SYNPO2: variants seen among roughly 807,000 people sequenced by gnomAD.
SYNPO2 encodes synaptopodin-2.
SYNPO2 carries 56 observed loss-of-function variants against 85.0 expected under a neutral mutation model. The ratio of observed to expected loss-of-function variants is 0.66; its 90% confidence interval spans 0.53 to 0.82. The LOEUF (loss-of-function observed/expected upper bound fraction) is 0.82, where lower values mean the gene tolerates loss of function less well. Ranked by LOEUF, SYNPO2 falls within the 40% of genes least tolerant of loss-of-function variation. The pLI is 0.00. For missense variants in SYNPO2, 1,575 were observed against 1,534.2 expected, an observed-to-expected ratio of 1.03 and a Z score of -0.44; for synonymous variants, 602 against 591.1, an observed-to-expected ratio of 1.02 and a Z score of -0.27.
intron 1 of SYNPO2, among the ~76,000 whole-genome samples, chr4:118,926,268 A>T (rs1733707468): frequency 6.6e-6 from 1 of 152,176 alleles, no homozygotes; most frequent in Admixed American, 6.6e-5. Flanking sequence ...ATAGGGAACT[A>T]TTCAAAGCAT....
intron 1 of SYNPO2, among the ~76,000 whole-genome samples, chr4:118,863,642 T>G (rs1731652137): frequency 6.6e-6 from 1 of 152,146 alleles, no homozygotes; most frequent in African/African-American, 2.4e-5. Flanking sequence ...GATAGAGCCT[T>G]GCTCCATCAC....
At chr4:119,004,909 G>A (rs1220233112) in intron 1 of SYNPO2, among the ~76,000 whole-genome samples, 1 of 151,742 alleles carries the variant, frequency 6.6e-6, no homozygotes, top group Non-Finnish European at 1.5e-5. Context: ...ACTTTTTAAT[G>A]ATCACCATTC....
rs34644748 is a variant in SYNPO2 at position 118,860,552 on chromosome 4, C to CTTTTT, written c.12+9617_12+9621dup. Among the ~76,000 whole-genome samples the CTTTTT allele has an allele frequency of 1.2e-4, 14 of 114,118 alleles. 4 individuals carry two copies. Among genetic ancestry groups the CTTTTT allele is most frequent in the Non-Finnish European group, 1.4e-4 (8 of 57,932 alleles). The allele number at this position is 114,118 out of a possible 152,430, so 74.9% of individuals were successfully genotyped here. A position where few individuals can be genotyped will look rare whatever the true frequency, so the allele number is the denominator to read the frequency against. Reference sequence around the variant, plus strand: ...AGCCACACTGCCTGGCCTCTTTTGCCTTTTTTTTTGTTTTTTTTTTTTGAG... The same window carrying CTTTTT: ...AGCCACACTGCCTGGCCTCTTTTGCCTTTTTTTTTTTTTTGTTTTTTTTTTTTGAG... On this transcript the variant is annotated intron_variant, in intron 1 of 4. Transcript: ENST00000610556.
At chr4:119,042,751 A>G (rs1359169201) in intron 4 of SYNPO2, 2 of 152,230 alleles carry the variant, frequency 1.3e-5, no homozygotes, top group Admixed American at 6.5e-5. Context: ...TATATGTTAC[A>G]AGAGTGTACG....
chr4:119,036,871 A>G, intron 4 of SYNPO2: 3 of 1,146,316 alleles, frequency 2.6e-6, no homozygotes, highest in South Asian at 8.3e-5. Context: ...GTCCTGTCAA[A>G]CATTTCTCAA....
chr4:118,958,092 T>C (rs1479342793), intron 1 of SYNPO2, among the ~76,000 whole-genome samples: 1 of 152,216 alleles, frequency 6.6e-6, no homozygotes, highest in East Asian at 1.9e-4. Context: ...CAGCAATGTC[T>C]TGACACTTCT....
chr4:118,995,895 T>TATCTATCTATCTATCTATC (rs1287810613), intron 1 of SYNPO2, among the ~76,000 whole-genome samples: 4 of 148,778 alleles, frequency 2.7e-5, no homozygotes, highest in African/African-American at 1.0e-4. Context: ...TCTATCTATC[T>TATCTATCTATCTATCTATC]ATCTATCTAT....
intron 1 of SYNPO2, among the ~76,000 whole-genome samples, chr4:118,960,774 C>G (rs1735051512): frequency 6.6e-6 from 1 of 151,696 alleles, no homozygotes; most frequent in African/African-American, 2.4e-5. Flanking sequence ...GGGATTAGAC[C>G]CAAGTACTCC....
chr4:119,045,060 A>G (rs1035924199), intron 4 of SYNPO2, among the ~76,000 whole-genome samples: 12 of 152,226 alleles, frequency 7.9e-5, no homozygotes, highest in Non-Finnish European at 1.6e-4. Flanking sequence ...GTATGCACAC[A>G]TTTCTTAAGA....
At chr4:118,983,774 A>ACAATCTCTCTCC (rs59660351) in intron 1 of SYNPO2, among the ~76,000 whole-genome samples, 128,555 of 151,890 alleles carry the variant, frequency 0.85, 54,529 homozygotes, top group South Asian at 0.93. Flanking sequence ...AATATTTCTA[A>ACAATCTCTCTCC]CAAGCTACGT....
chr4:118,878,949 C>T lies in SYNPO2; in HGVS notation c.12+28009C>T, dbSNP rs866000754. Among the ~76,000 whole-genome samples the T allele has an allele frequency of 6.9e-4, 105 of 152,210 alleles. 1 individual carries two copies. Among genetic ancestry groups the T allele is most frequent in the Non-Finnish European group, 8.8e-4 (60 of 68,038 alleles). ...TGTTCAGTTTTTGGGTCCGCACTAC[C>T]TCTAAGAGCTGTAACACTCACTGCG... On this transcript the variant is annotated intron_variant, in intron 1 of 4. Transcript: ENST00000610556.
chr4:119,036,861 G>T, intron 4 of SYNPO2: 2 of 1,125,134 alleles, frequency 1.8e-6, no homozygotes, highest in Non-Finnish European at 2.2e-6. Context: ...TAAATATCAA[G>T]TCCTGTCAAA....
intron 1 of SYNPO2, among the ~76,000 whole-genome samples, chr4:118,861,570 G>A (rs1423139044): frequency 6.6e-6 from 1 of 152,156 alleles, no homozygotes; most frequent in Non-Finnish European, 1.5e-5. Context: ...TGGATATCCA[G>A]TTTCCCCAGC....
intron 1 of SYNPO2, among the ~76,000 whole-genome samples, chr4:118,928,801 G>GAT (rs769763024): frequency 3.9e-5 from 6 of 152,170 alleles, no homozygotes; most frequent in Non-Finnish European, 8.8e-5. Flanking sequence ...TTTGTATACT[G>GAT]ATATATAAAT....
chr4:118,850,974 T>A (rs1228210752), intron 1 of SYNPO2: 1 of 398,636 alleles, frequency 2.5e-6, no homozygotes, highest in East Asian at 3.6e-5. Flanking sequence ...TGGTGTCCTC[T>A]TTATATTTCA....
chr4:118,868,350 T>C (rs1236031767), intron 1 of SYNPO2, among the ~76,000 whole-genome samples: 2 of 152,156 alleles, frequency 1.3e-5, no homozygotes, highest in Non-Finnish European at 2.9e-5. Flanking sequence ...CTTATAATAA[T>C]AACATTACAT....
chr4:119,048,534 A>G (rs964633155), intron 4 of SYNPO2, among the ~76,000 whole-genome samples: 1 of 152,226 alleles, frequency 6.6e-6, no homozygotes, highest in African/African-American at 2.4e-5. Context: ...GTGTAAGTCT[A>G]AGGGAAGGAT....
intron 1 of SYNPO2, among the ~76,000 whole-genome samples, chr4:118,909,583 T>A (rs1322528636): frequency 1.3e-5 from 2 of 152,232 alleles, no homozygotes; most frequent in Non-Finnish European, 2.9e-5. Flanking sequence ...TTCCCACTCT[T>A]TTTTCTCATA....
chr4:119,009,409 C>T (rs1737205653), intron 1 of SYNPO2, among the ~76,000 whole-genome samples: 1 of 152,122 alleles, frequency 6.6e-6, no homozygotes, highest in African/African-American at 2.4e-5. Flanking sequence ...TGATCATAGA[C>T]TTATCTTCTA....
Sources: allele counts gnomAD v4.1 joint callset (sites outside exome capture counted in the v4.1 genomes callset), GRCh38; gene constraint gnomAD v4.1.1; transcripts MANE v1.5; gene names NCBI Gene and HGNC (gene_info 2026-07-23, HGNC 2026-07-21).